Variants in ATRNL1 observed in about 807,000 individuals in gnomAD.
ATRNL1 encodes the protein attractin-like protein 1.
A neutral mutation model predicts 182.7 loss-of-function variants in ATRNL1; 95 were observed. The ratio of observed to expected loss-of-function variants is 0.52; its 90% confidence interval spans 0.44 to 0.62. ATRNL1 has a LOEUF of 0.62. Among genes scored for constraint, ATRNL1 ranks in the 20% least tolerant of loss-of-function variants. ATRNL1 has a pLI of 0.00. For missense variants in ATRNL1, 1,471 were observed against 1,679.5 expected (o/e 0.88, Z 2.17); for synonymous variants, 576 against 568.3 (o/e 1.01, Z -0.19).
At chr10:115,522,636 A>G (rs974827428) in intron 25 of ATRNL1, among the ~76,000 whole-genome samples, 5 of 152,154 alleles carry the variant, frequency 3.3e-5, no homozygotes, top group African/African-American at 9.7e-5. Flanking sequence ...TTTAATCCCA[A>G]TACTTCCCAG....
chr10:115,201,412 G>A (rs1353516557), intron 8 of ATRNL1, among the ~76,000 whole-genome samples: 1 of 152,016 alleles, frequency 6.6e-6, no homozygotes, highest in Admixed American at 6.6e-5. Context: ...TTTGTATAAG[G>A]TGTAAGGAAG....
chr10:115,296,457 G>GT, intron 15 of ATRNL1, among the ~76,000 whole-genome samples: 1 of 152,258 alleles, frequency 6.6e-6, no homozygotes, highest in East Asian at 1.9e-4. Context: ...TCAGTCCACT[G>GT]TTACTGCCAA....
intron 17 of ATRNL1, among the ~76,000 whole-genome samples, chr10:115,307,380 A>G (rs1372720995): frequency 6.4e-4 from 97 of 152,304 alleles, no homozygotes; most frequent in Non-Finnish European, 8.8e-5. Context: ...CTCCTGCTGC[A>G]GCCTCCTGAG....
chr10:115,559,826 A>G (rs576508149), intron 26 of ATRNL1, among the ~76,000 whole-genome samples: 11 of 152,196 alleles, frequency 7.2e-5, no homozygotes, highest in Non-Finnish European at 1.6e-4. Flanking sequence ...TATATCAGGA[A>G]CAAGTCAAGG....
At chr10:115,597,570 T>C (rs1052912699) in intron 26 of ATRNL1, 3 of 7,020 alleles carry the variant, frequency 4.3e-4, no homozygotes, top group Non-Finnish European at 9.2e-4. Flanking sequence ...TATGGGAGCT[T>C]TTTTTTTTTT....
intron 28 of ATRNL1, among the ~76,000 whole-genome samples, chr10:115,892,727 G>T (rs1952110057): frequency 1.3e-5 from 2 of 152,060 alleles, no homozygotes; most frequent in African/African-American, 2.4e-5. Flanking sequence ...CATGATCAGG[G>T]AATATTTACT....
chr10:115,698,010 A>G (rs1946617344), intron 26 of ATRNL1, among the ~76,000 whole-genome samples: 1 of 152,178 alleles, frequency 6.6e-6, no homozygotes, highest in Admixed American at 6.5e-5. Context: ...CAGATAGAGT[A>G]TTTTGATTTA....
chr10:115,816,927 T>C, intron 27 of ATRNL1, among the ~76,000 whole-genome samples: 1 of 152,170 alleles, frequency 6.6e-6, no homozygotes, highest in East Asian at 1.9e-4. Flanking sequence ...AAACCTTATT[T>C]TTCTATTTCA....
chr10:115,910,560 C>T (rs1255400644), intron 28 of ATRNL1, among the ~76,000 whole-genome samples: 1 of 152,142 alleles, frequency 6.6e-6, no homozygotes, highest in African/African-American at 2.4e-5. Flanking sequence ...GGCTGCCACA[C>T]CCAACACAAG....
chr10:115,103,140 C>T (rs375750794), intron 1 of ATRNL1, among the ~76,000 whole-genome samples: 13 of 151,248 alleles, frequency 8.6e-5, no homozygotes, highest in East Asian at 5.8e-4. Flanking sequence ...TGGGTTCACG[C>T]GATTCTCGTG....
intron 26 of ATRNL1, among the ~76,000 whole-genome samples, chr10:115,562,714 A>G (rs1398073504): frequency 3.3e-5 from 5 of 152,150 alleles, no homozygotes; most frequent in African/African-American, 9.7e-5. Context: ...TCCTGTCCCC[A>G]TGTGAATAAG....
chr10:115,526,360 C>T (rs1391999738), intron 25 of ATRNL1, among the ~76,000 whole-genome samples: 2 of 152,146 alleles, frequency 1.3e-5, no homozygotes, highest in Admixed American at 6.5e-5. Context: ...GACCCACTGG[C>T]TCTTTTATTT....
At chr10:115,122,739 TAGG>T (rs1844799487) in intron 3 of ATRNL1, among the ~76,000 whole-genome samples, 1 of 152,124 alleles carries the variant, frequency 6.6e-6, no homozygotes, top group African/African-American at 2.4e-5. Context: ...TGTATTTCCT[TAGG>T]AGCTTAGGTA....
chr10:115,902,286 T>A (rs1417748848), intron 28 of ATRNL1, among the ~76,000 whole-genome samples: 8 of 152,278 alleles, frequency 5.3e-5, no homozygotes, highest in Non-Finnish European at 1.2e-4. Flanking sequence ...ATCCCTTTAA[T>A]CTTGATGTAC....
intron 8 of ATRNL1, among the ~76,000 whole-genome samples, chr10:115,175,002 C>T (rs148563617): frequency 1.0e-3 from 155 of 151,960 alleles, no homozygotes; most frequent in African/African-American, 3.2e-3. Flanking sequence ...TCTGCCTCCA[C>T]GGAGCATATT....
At chr10:115,417,294 T>C (rs562985862) in intron 20 of ATRNL1, among the ~76,000 whole-genome samples, 5 of 152,302 alleles carry the variant, frequency 3.3e-5, no homozygotes, top group African/African-American at 7.2e-5. Context: ...GAAGTAGTCC[T>C]GTGGCTCGAC....
At position 115,297,468 on chromosome 10, in the gene ATRNL1, C is replaced by T. The variant is rs188725730; in HGVS notation, c.2416-2566C>T. On this transcript the variant is annotated intron_variant, in intron 15 of 28. Transcript: ENST00000355044. ...CATCCCGGCTAACACAATGAAACCC[C>T]GTGTCTACTAAAAAAAATACAAAAA... is the stretch of plus-strand genomic sequence containing the variant. Among the ~76,000 whole-genome samples, 183 of 151,802 alleles carry T rather than the reference C, an allele frequency of 1.2e-3. 1 individual carries two copies. Among genetic ancestry groups the T allele is most frequent in the African/African-American group, 4.1e-3 (169 of 41,406 alleles).
intron 20 of ATRNL1, among the ~76,000 whole-genome samples, chr10:115,405,528 G>C (rs1040439228): frequency 1.3e-5 from 2 of 152,050 alleles, no homozygotes; most frequent in African/African-American, 4.8e-5. Context: ...GTGCAAATAT[G>C]ATATCCTTTC....
intron 28 of ATRNL1, among the ~76,000 whole-genome samples, chr10:115,900,141 C>A (rs1952313960): frequency 1.3e-5 from 2 of 152,122 alleles, no homozygotes; most frequent in Admixed American, 1.3e-4. Flanking sequence ...GCATTGTAGA[C>A]AAGTTGGAAA....
Sources: allele counts gnomAD v4.1 joint callset (sites outside exome capture counted in the v4.1 genomes callset), GRCh38; gene constraint gnomAD v4.1.1; transcripts MANE v1.5; gene names NCBI Gene and HGNC (gene_info 2026-07-23, HGNC 2026-07-21).